The following DLGAP2 variants were observed in gnomAD, a reference collection of about 807,000 sequenced individuals.
DLGAP2 encodes DLG associated protein 2, also known as disks large-associated protein 2.
DLGAP2 carries 26 observed loss-of-function variants against 100.3 expected under a neutral mutation model. The ratio of observed to expected loss-of-function variants is 0.26; its 90% CI spans 0.19 to 0.36. The LOEUF (loss-of-function observed/expected upper bound fraction) is 0.36, where lower values mean the gene tolerates loss of function less well. Among genes scored for constraint, DLGAP2 ranks in the 10% least tolerant of loss-of-function variants. DLGAP2 has a pLI of 1.00. For missense variants in DLGAP2, 1,858 were observed against 1,453.2 expected, an observed-to-expected ratio of 1.28 and a Z score of -4.53; for synonymous variants, 886 against 630.1, an observed-to-expected ratio of 1.41 and a Z score of -6.08.
chr8:862,075 C>T lies in DLGAP2; in HGVS notation c.19-45837C>T, dbSNP rs368436636. ...ACAGTTTTCTGTAATTCTCCTGAAC[C>T]GTTTGTAGAAACAGTCATTTCTTGG... On this transcript the variant is annotated intron_variant, in intron 1 of 14. Coordinates refer to ENST00000637795, the MANE Select transcript of DLGAP2 (RefSeq NM_001346810.2). Among the ~76,000 whole-genome samples, 14 of 152,280 alleles carry T rather than the reference C, an allele frequency of 9.2e-5. No homozygotes were observed. The East Asian group carries it at 1.9e-3, about 21-fold the overall frequency.
intron 1 of DLGAP2, among the ~76,000 whole-genome samples, chr8:865,227 A>T (rs965654019): frequency 6.6e-6 from 1 of 152,194 alleles, no homozygotes; most frequent in African/African-American, 2.4e-5. Context: ...AGATTGATGT[A>T]TGGAAATTTC....
At chr8:1,368,259 C>T (rs768184906) in intron 3 of DLGAP2, among the ~76,000 whole-genome samples, 9 of 150,960 alleles carry the variant, frequency 6.0e-5, no homozygotes, top group Admixed American at 1.3e-4. Context: ...CATGTGTGTG[C>T]GTGTGTGCAG....
chr8:1,064,212 C>T (rs6651431), intron 2 of DLGAP2, among the ~76,000 whole-genome samples: 9 of 152,298 alleles, frequency 5.9e-5, no homozygotes, highest in African/African-American at 2.2e-4. Flanking sequence ...CAGTAAGTAC[C>T]TGCAAGTAAT....
chr8:1,423,362 C>T (rs1485475178), intron 3 of DLGAP2, among the ~76,000 whole-genome samples: 9 of 152,154 alleles, frequency 5.9e-5, no homozygotes, highest in Admixed American at 5.9e-4. Flanking sequence ...CCAGGACCAC[C>T]CCAGGTTCTG....
At chr8:1,428,779 A>C (rs942254856) in intron 3 of DLGAP2, among the ~76,000 whole-genome samples, 1 of 152,228 alleles carries the variant, frequency 6.6e-6, no homozygotes, top group Admixed American at 6.5e-5. Context: ...CATGTGGCTC[A>C]TATCAGTGCA....
intron 2 of DLGAP2, among the ~76,000 whole-genome samples, chr8:990,285 T>A (rs749670960): frequency 1.0e-3 from 156 of 151,664 alleles, no homozygotes; most frequent in Non-Finnish European, 1.7e-3. Context: ...ATCGACCTTC[T>A]GAAGTTTTCT....
In DLGAP2 at chr8:1,707,436, GC is replaced by G. The variant is rs1363027013; in HGVS notation, c.*6034del. 1.3e-5 allele frequency: 2 copies of G among 152,134 alleles called. No homozygotes were observed. The highest frequency in any genetic ancestry group is 4.8e-5 in the African/African-American group (2 of 41,398). The allele number at this position is 152,134 out of a possible 1,614,324, so 9.4% of individuals were successfully genotyped here. On this transcript the variant is annotated 3_prime_UTR_variant, in exon 15 of 15. Coordinates refer to ENST00000637795, the MANE Select transcript of DLGAP2 (RefSeq NM_001346810.2). Reference sequence around the variant, plus strand: ...ACCCCCAAAACACTACCATGCCCCAGCCCCACTCATTTAAATAATACAATCA... The same window carrying G: ...ACCCCCAAAACACTACCATGCCCCAGCCCACTCATTTAAATAATACAATCA...
At chr8:881,440 G>A (rs1442837435) in intron 1 of DLGAP2, among the ~76,000 whole-genome samples, 1 of 149,672 alleles carries the variant, frequency 6.7e-6, no homozygotes, top group Non-Finnish European at 1.5e-5. Flanking sequence ...TGCACCAATA[G>A]AAATAAATGC....
Position 1,450,745 on chromosome 8 carries a change from A to G in DLGAP2, c.107-50621A>G, listed in dbSNP as rs527278010. ...GGCCAAGCGACAGGCACCGTCCTCC[A>G]CGCAGCATGGCTATGTCTCTGCGCT... On this transcript the variant is annotated intron_variant, in intron 3 of 14. Coordinates refer to ENST00000637795, the MANE Select transcript of DLGAP2 (RefSeq NM_001346810.2). Among the ~76,000 whole-genome samples, 4 of 152,234 alleles carry G rather than the reference A, an allele frequency of 2.6e-5. No homozygotes were observed. The East Asian group carries it at 7.7e-4, about 29-fold the overall frequency.
At chr8:1,162,510 G>A (rs1390982796) in intron 2 of DLGAP2, among the ~76,000 whole-genome samples, 1 of 152,184 alleles carries the variant, frequency 6.6e-6, no homozygotes, top group Non-Finnish European at 1.5e-5. Flanking sequence ...TAAATACAGA[G>A]AAAATTAAGC....
chr8:1,447,764 G>A, intron 3 of DLGAP2, among the ~76,000 whole-genome samples: 1 of 152,250 alleles, frequency 6.6e-6, no homozygotes, highest in Middle Eastern at 3.4e-3. Context: ...CAATTTCAGA[G>A]CCTGTTACTG....
intron 6 of DLGAP2, among the ~76,000 whole-genome samples, chr8:1,604,903 T>C (rs867951453): frequency 2.0e-5 from 3 of 152,306 alleles, no homozygotes; most frequent in Middle Eastern, 6.8e-3. Context: ...GCCGTTAGAA[T>C]CGCTGAGCTT....
At chr8:1,691,652 G>A (rs764751038) in intron 13 of DLGAP2, 26 bp downstream of exon 13, 1 of 1,583,826 alleles carries the variant, frequency 6.3e-7, no homozygotes, top group African/African-American at 1.3e-5. Context: ...GTGAACCCCT[G>A]TTCCCTGTAA....
chr8:908,981 G>GCCTAA (rs1213058393), intron 2 of DLGAP2, among the ~76,000 whole-genome samples: 2 of 152,164 alleles, frequency 1.3e-5, no homozygotes, highest in Admixed American at 1.3e-4. Context: ...TATCTCAGTA[G>GCCTAA]CCAACATTGT....
intron 3 of DLGAP2, among the ~76,000 whole-genome samples, chr8:1,315,107 C>T (rs1800701798): frequency 6.6e-6 from 1 of 152,170 alleles, no homozygotes; most frequent in South Asian, 2.1e-4. Flanking sequence ...ACCATAGAAC[C>T]GTATTTAGTA....
intron 12 of DLGAP2, among the ~76,000 whole-genome samples, chr8:1,690,036 T>C (rs1799216762): frequency 6.6e-6 from 1 of 152,112 alleles, no homozygotes; most frequent in Admixed American, 6.5e-5. Flanking sequence ...GTTTACAAAG[T>C]GGTGACCATG....
chr8:852,709 A>G (rs559518398), intron 1 of DLGAP2, among the ~76,000 whole-genome samples: 1 of 152,326 alleles, frequency 6.6e-6, no homozygotes, highest in Middle Eastern at 3.4e-3. Flanking sequence ...ACGTTTCTGT[A>G]AAGGGTAAAA....
At chr8:1,085,043 G>C (rs1209624528) in intron 2 of DLGAP2, among the ~76,000 whole-genome samples, 1 of 152,164 alleles carries the variant, frequency 6.6e-6, no homozygotes, top group Non-Finnish European at 1.5e-5. Context: ...TTTGTCTTTT[G>C]GATAATAGCC....
chr8:737,644 G>C lies in DLGAP2; in HGVS notation c.-164G>C. On this transcript the variant is annotated 5_prime_UTR_variant, in exon 1 of 15. Coordinates refer to ENST00000637795, the MANE Select transcript of DLGAP2 (RefSeq NM_001346810.2). ...CGGCCGTGAAGACCGACCGTGCGCCGGGCTCGAGCGCGGTCTGAGCGCGCG... is the reference window on the plus strand; with the variant it reads ...CGGCCGTGAAGACCGACCGTGCGCCCGGCTCGAGCGCGGTCTGAGCGCGCG... 2 of 350,362 alleles carry C rather than the reference G, an allele frequency of 5.7e-6. No individual in the cohort carries two copies. Among genetic ancestry groups the C allele is most frequent in the Non-Finnish European group, 1.0e-5 (2 of 195,172 alleles). 21.7% of individuals were successfully genotyped at this position (350,362 alleles called of 1,614,324 possible).
Sources: allele counts gnomAD v4.1 joint callset (sites outside exome capture counted in the v4.1 genomes callset), GRCh38; gene constraint gnomAD v4.1.1; transcripts MANE v1.5; gene names NCBI Gene and HGNC (gene_info 2026-07-23, HGNC 2026-07-21).